COL4A5: variants seen among roughly 807,000 people sequenced by gnomAD.
COL4A5 encodes collagen alpha-5(IV) chain.
In COL4A5, 26 loss-of-function variants were observed where a neutral mutation model predicts 130.2. The ratio of observed to expected loss-of-function variants is 0.20; its 90% CI spans 0.15 to 0.28. The LOEUF (loss-of-function observed/expected upper bound fraction) is 0.28. Among genes scored for constraint, COL4A5 ranks in the 10% least tolerant of loss-of-function variants. The pLI is 1.00. For synonymous variants in COL4A5, 496 were observed against 439.6 expected, an observed-to-expected ratio of 1.13 and a Z score of -1.60; for missense variants, 1,131 against 1,344.3, an observed-to-expected ratio of 0.84 and a Z score of 2.48.
intron 2 of COL4A5, among the ~76,000 whole-genome samples, chrX:108,552,347 A>T (rs1207034256): frequency 1.8e-5 from 2 of 112,206 alleles, no homozygotes; most frequent in Non-Finnish European, 3.8e-5. Flanking sequence ...ATTGCTTAGT[A>T]TTCCATGGTA....
At chrX:108,632,266 C>T (rs962616291) in intron 36 of COL4A5, among the ~76,000 whole-genome samples, 1 of 110,673 alleles carries the variant, frequency 9.0e-6, no homozygotes, top group African/African-American at 3.3e-5. Flanking sequence ...AGACTCCCCC[C>T]AAGACTAAAC....
chrX:108,626,415 C>A, intron 36 of COL4A5, 66 bp downstream of exon 36: 2 of 1,182,916 alleles, frequency 1.7e-6, no homozygotes, highest in South Asian at 3.6e-5. Context: ...ATACTATGCT[C>A]ATTCCTAAGT....
intron 2 of COL4A5, among the ~76,000 whole-genome samples, chrX:108,543,717 A>G (rs1393186557): frequency 9.0e-6 from 1 of 111,621 alleles, no homozygotes; most frequent in Admixed American, 9.5e-5. Flanking sequence ...CATTTTCACG[A>G]TATTGATTCT....
intron 36 of COL4A5, among the ~76,000 whole-genome samples, chrX:108,633,938 A>G (rs780635112): frequency 9.8e-5 from 11 of 111,768 alleles, no homozygotes; most frequent in South Asian, 3.7e-4. Flanking sequence ...CCGATCCACA[A>G]CAACATTGTT....
rs958765452 is a variant in COL4A5, at chrX:108,595,315, C to A, written c.1424-194C>A. On this transcript the variant is annotated intron_variant, in intron 21 of 52. Transcript: ENST00000328300. ...CTTTTGCTCACCAATGTAACACAAG[C>A]ATCTGGAACAGTTCTTGGCACACAG... Among the ~76,000 whole-genome samples, 32 of 112,137 alleles carry A rather than the reference C, an allele frequency of 2.9e-4. 2 individuals are homozygous for A. Among genetic ancestry groups the A allele is most frequent in the Admixed American group, 2.6e-3 (28 of 10,580 alleles).
intron 1 of COL4A5, among the ~76,000 whole-genome samples, chrX:108,474,151 T>C (rs1356412688): frequency 2.7e-5 from 3 of 111,525 alleles, no homozygotes; most frequent in Admixed American, 9.5e-5. Flanking sequence ...AATATCCTAG[T>C]TCTTCATGTT....
chrX:108,443,513 CT>C (rs776444005), intron 1 of COL4A5, among the ~76,000 whole-genome samples: 119 of 111,607 alleles, frequency 1.1e-3, no homozygotes, highest in African/African-American at 3.4e-3. Flanking sequence ...TAGTTTTGTT[CT>C]TTTTTTGTAC....
At chrX:108,585,125 T>G (rs1318917186) in intron 18 of COL4A5, among the ~76,000 whole-genome samples, 1 of 111,998 alleles carries the variant, frequency 8.9e-6, no homozygotes, top group Non-Finnish European at 1.9e-5. Context: ...CAAATATACT[T>G]CCAGTCTTAT....
intron 1 of COL4A5, among the ~76,000 whole-genome samples, chrX:108,479,273 C>A (rs2064865790): frequency 1.8e-5 from 2 of 112,566 alleles, no homozygotes; most frequent in African/African-American, 6.5e-5. Context: ...TCTTTGTCAC[C>A]AATTTCCCAG....
At chrX:108,516,525 A>G (rs2065222620) in intron 1 of COL4A5, among the ~76,000 whole-genome samples, 1 of 111,910 alleles carries the variant, frequency 8.9e-6, no homozygotes, top group Non-Finnish European at 1.9e-5. Context: ...GAAACACAGG[A>G]TACGTCTGTA....
intron 37 of COL4A5, among the ~76,000 whole-genome samples, chrX:108,656,437 G>A (rs2067843542): frequency 9.0e-6 from 1 of 111,725 alleles, no homozygotes; most frequent in African/African-American, 3.2e-5. Context: ...TCCAGTTTGG[G>A]ACTATTATTT....
intron 1 of COL4A5, 137 bp from the exon 2 acceptor site, chrX:108,539,609 A>G: frequency 1.8e-6 from 1 of 547,387 alleles, no homozygotes; most frequent in East Asian, 3.4e-5. Flanking sequence ...GTTATTTGCA[A>G]TTTCGTATAT....
chrX:108,486,195 G>A (rs994956622), intron 1 of COL4A5, among the ~76,000 whole-genome samples: 3 of 111,552 alleles, frequency 2.7e-5, no homozygotes, highest in Non-Finnish European at 3.8e-5. Flanking sequence ...GTGGGGAAGG[G>A]GTGGTGTCAG....
chrX:108,680,953 C>T lies in COL4A5; in HGVS notation c.4084C>T (p.Pro1362Ser). Residue 1362 changes from proline to serine, a missense_variant, in exon 46 of 53, where the codon CCA becomes TCA. By Grantham distance (74) the Pro-to-Ser change is moderately conservative. Coordinates refer to ENST00000328300, the MANE Select transcript of COL4A5 (RefSeq NM_033380.3). ...PEGEPGLIGP[P>S]GPPGLPGPSG... The stretch of plus-strand genomic sequence containing the variant: ...GGGGGAACCGGGACTTATTGGTCCT[C>T]CAGGTAAGACTTATTCCTGAAGATA... The T allele has an allele frequency of 8.3e-7, 1 of 1,199,443 alleles. No homozygotes were observed. Among genetic ancestry groups the T allele is most frequent in the Non-Finnish European group, 1.1e-6 (1 of 884,650 alleles).
intron 49 of COL4A5, among the ~76,000 whole-genome samples, chrX:108,691,487 T>C (rs1051652394): frequency 2.7e-5 from 3 of 110,967 alleles, no homozygotes; most frequent in African/African-American, 6.5e-5. Flanking sequence ...TTTTTTGTAA[T>C]AATTATATAA....
chrX:108,641,225 T>C (rs2067459452), intron 36 of COL4A5, among the ~76,000 whole-genome samples: 2 of 111,998 alleles, frequency 1.8e-5, no homozygotes, highest in African/African-American at 6.5e-5. Context: ...CACTCCTAGG[T>C]ATTTTCCCAA....
At chrX:108,581,842 T>A (rs1462668491) in intron 16 of COL4A5, among the ~76,000 whole-genome samples, 1 of 110,804 alleles carries the variant, frequency 9.0e-6, no homozygotes, top group Non-Finnish European at 1.9e-5. Context: ...CATATAAAAA[T>A]ATTTATATGA....
chrX:108,654,921 C>T (rs1228441867), intron 36 of COL4A5, among the ~76,000 whole-genome samples: 1 of 112,345 alleles, frequency 8.9e-6, no homozygotes, highest in African/African-American at 3.2e-5. Context: ...AATCCAAATT[C>T]GGATTTCATC....
At chrX:108,506,747 G>T (rs185174988) in intron 1 of COL4A5, among the ~76,000 whole-genome samples, 1 of 110,096 alleles carries the variant, frequency 9.1e-6, no homozygotes, top group African/African-American at 3.3e-5. Context: ...TCCATGGCCC[G>T]GGGGTTGGGG....
Sources: gnomAD v4.1 joint callset for allele counts (sites outside exome capture counted in the v4.1 genomes callset) on GRCh38, gnomAD v4.1.1 for gene constraint, MANE v1.5 for transcripts, NCBI Gene and HGNC (gene_info 2026-07-23, HGNC 2026-07-21) for gene names.